ANXA6: variants seen among roughly 807,000 people sequenced by gnomAD.
The protein encoded by ANXA6 is annexin A6.
ANXA6 carries 71 observed loss-of-function variants against 95.4 expected under a neutral mutation model. The observed-to-expected ratio is 0.74, with a 90% CI of 0.61 to 0.91. The LOEUF (loss-of-function observed/expected upper bound fraction) is 0.91, where lower values mean the gene tolerates loss of function less well. ANXA6 is among the 40% of genes least tolerant of loss of function. ANXA6 has a pLI of 0.00. For missense variants in ANXA6, 830 were observed against 876.4 expected, an observed-to-expected ratio of 0.95 and a Z score of 0.67; for synonymous variants, 289 against 315.9, an observed-to-expected ratio of 0.91 and a Z score of 0.90.
intron 20 of ANXA6, among the ~76,000 whole-genome samples, chr5:151,113,221 T>C (rs189913748): frequency 8.5e-5 from 13 of 152,166 alleles, no homozygotes; most frequent in Admixed American, 7.2e-4. Context: ...GCCAACATGG[T>C]GAAACCCTGT....
Position 151,122,926 on chromosome 5 carries a change from G to A in ANXA6, c.1224C>T (p.His408=). The A allele has an allele frequency of 1.9e-6, 3 of 1,613,948 alleles. No homozygotes were observed. The highest frequency in any genetic ancestry group is 1.1e-5 in the South Asian group (1 of 91,086). Residue 408 remains histidine (H), a synonymous_variant, in exon 16 of 26, where the codon CAC becomes CAT. Transcript: ENST00000354546. ...RQQIRQTFKS[H]FGRDLMTDLK... ...AGGAGGAGGTCCTTACCCGGCCAAA[G>A]TGAGACTTGAAGGTCTGCCGGATCT...
chr5:151,156,264 A>G (rs575060115), intron 1 of ANXA6, among the ~76,000 whole-genome samples: 3 of 152,316 alleles, frequency 2.0e-5, no homozygotes, highest in African/African-American at 7.2e-5. Context: ...GAATGTCTGC[A>G]CTGGCAGTGG....
At chr5:151,128,074 G>A (rs1300745769) in intron 13 of ANXA6, 107 bp downstream of exon 13, 2 of 987,750 alleles carry the variant, frequency 2.0e-6, no homozygotes, top group East Asian at 2.6e-5. Context: ...CCTGGCTCAG[G>A]GGAATCCCCA....
In ANXA6 at chr5:151,129,423, A is replaced by G; in HGVS notation, c.902T>C (p.Leu301Pro). The G allele has an allele frequency of 1.9e-6, 3 of 1,613,426 alleles. No individual in the cohort carries two copies. Among genetic ancestry groups the G allele is most frequent in the Non-Finnish European group, 2.5e-6 (3 of 1,179,854 alleles). The change falls in exon 12 of 26, where the codon CTC becomes CCC. Residue 301 changes from leucine to proline, a missense_variant. Physicochemically the swap from Leu to Pro is moderately conservative, Grantham distance 98. Transcript: ENST00000354546. ...EIFRTKYEKSLYSMIKNDTSG... is the reference protein window; with the variant it reads ...EIFRTKYEKSPYSMIKNDTSG... ...TCTGCTGACCTTGATCATGCTGTAG[A>G]GGGACTTCTCATACTTGGTCCGGAA...
chr5:151,128,946 CAAA>C (rs372400204), intron 12 of ANXA6, among the ~76,000 whole-genome samples: 1,850 of 127,766 alleles, frequency 0.014, 27 homozygotes, highest in East Asian at 0.064. Flanking sequence ...TTCAGTCATC[CAAA>C]AAAAAAAAAA....
rs1453077565 is a variant in ANXA6 at position 151,133,246 on chromosome 5, T to C, written c.547-59A>G. 3.2e-6 allele frequency: 4 copies of C among 1,242,518 alleles called. 1 individual carries two copies. The highest frequency in any genetic ancestry group is 3.0e-5 in the African/African-American group (2 of 66,946). 77.0% of individuals were successfully genotyped at this position (1,242,518 alleles called of 1,614,324 possible). On this transcript the variant is annotated intron_variant, in intron 8 of 25. Coordinates refer to ENST00000354546, the MANE Select transcript of ANXA6 (RefSeq NM_001155.5). ...GGAAACCTCAGGAGACAGGACACACTGACCAAGCCACTCAGAACTGCTGCC... is the reference window on the plus strand; with the variant it reads ...GGAAACCTCAGGAGACAGGACACACCGACCAAGCCACTCAGAACTGCTGCC...
intron 1 of ANXA6, among the ~76,000 whole-genome samples, chr5:151,152,503 G>A (rs1481040748): frequency 6.6e-6 from 1 of 152,150 alleles, no homozygotes; most frequent in East Asian, 1.9e-4. Flanking sequence ...TTTTTGTGAA[G>A]ATTCAATGAA....
Position 151,117,128 on chromosome 5 carries a change from T to C in ANXA6, c.1571A>G (p.Gln524Arg), listed in dbSNP as rs367708325. 20 of 1,589,952 alleles carry C rather than the reference T, an allele frequency of 1.3e-5. No homozygotes were observed. In the African/African-American group the frequency reaches 1.5e-4, roughly 12 times the overall value. ...ACTGGGGTGGGCTGGGGGTCTTACC[T>C]GGGCATCTTCCCGTGCCTGGTCCAG... ...ENLDQAREDA[Q>R]VAAEILEIAD... The change falls in exon 20 of 26, where the codon CAG becomes CGG. Residue 524 changes from glutamine to arginine, a missense_variant and splice_region_variant. By Grantham distance (43) the Gln-to-Arg change is conservative. Coordinates refer to ENST00000354546, the MANE Select transcript of ANXA6 (RefSeq NM_001155.5).
In ANXA6 at chr5:151,122,994, T is replaced by G; in HGVS notation, c.1156A>C (p.Ile386Leu). ...MKGLGTDEDTIIDIITHRSNV... is the reference protein window; with the variant it reads ...MKGLGTDEDTLIDIITHRSNV... Reference sequence around the variant, plus strand: ...CTGCGGTGCGTGATGATATCGATGATTGTGTCTTCGTCAGTCCCTGAGTCA... The same window carrying G: ...CTGCGGTGCGTGATGATATCGATGAGTGTGTCTTCGTCAGTCCCTGAGTCA... The change falls in exon 16 of 26, where the codon ATC (isoleucine) becomes CTC (leucine). Residue 386 changes from isoleucine (I) to leucine (L), a missense_variant. Ile to Leu is a conservative substitution (Grantham distance 5, BLOSUM62 2). Coordinates refer to ENST00000354546, the MANE Select transcript of ANXA6 (RefSeq NM_001155.5). 6.2e-7 allele frequency: 1 copy of G among 1,613,736 alleles called. No individual in the cohort carries two copies. Among genetic ancestry groups the G allele is most frequent in the Non-Finnish European group, 8.5e-7 (1 of 1,179,876 alleles).
At chr5:151,149,502 T>G (rs1185778809) in intron 1 of ANXA6, among the ~76,000 whole-genome samples, 1 of 152,082 alleles carries the variant, frequency 6.6e-6, no homozygotes, top group Non-Finnish European at 1.5e-5. Flanking sequence ...ATCTCTTTTT[T>G]TTGAGATGGA....
At chr5:151,140,672 C>T (rs1765810439) in intron 2 of ANXA6, 1 of 151,780 alleles carries the variant, frequency 6.6e-6, no homozygotes, top group South Asian at 2.0e-4. Context: ...AGCAGTCCTC[C>T]CACATTGGCC....
At chr5:151,132,639 C>A in intron 9 of ANXA6, 68 bp from the exon 10 acceptor site, 1 of 1,357,066 alleles carries the variant, frequency 7.4e-7, no homozygotes, top group Non-Finnish European at 1.0e-6. Context: ...ATGAGGACTT[C>A]AAGAGCAGGG....
chr5:151,122,843 C>T (rs550692451), intron 16 of ANXA6, 74 bp downstream of exon 16: 23 of 1,356,378 alleles, frequency 1.7e-5, no homozygotes, highest in African/African-American at 1.3e-4. Flanking sequence ...TGTGCAGAAC[C>T]GATGGGGACA....
rs370507444 is a variant in ANXA6, at chr5:151,129,498, C to A, written c.827G>T (p.Arg276Leu). The change falls in exon 12 of 26, where the codon CGC becomes CTC. Residue 276 changes from arginine to leucine, a missense_variant. Transcript: ENST00000354546. ...GLGTRDNTLI[R>L]IMVSRSELDM... ...CAACTCACTACGGGAGACCATGATG[C>A]GGATCAGGGTGTTGTCCCGAGTCCC... The A allele has an allele frequency of 6.2e-7, 1 of 1,610,026 alleles. No homozygotes were observed.
chr5:151,132,056 A>G (rs932690747), intron 10 of ANXA6, among the ~76,000 whole-genome samples: 1 of 152,176 alleles, frequency 6.6e-6, no homozygotes, highest in Non-Finnish European at 1.5e-5. Context: ...CCCCTCAGGA[A>G]ATGATCAGCC....
intron 20 of ANXA6, among the ~76,000 whole-genome samples, chr5:151,114,774 G>A (rs1257033095): frequency 6.6e-6 from 1 of 151,982 alleles, no homozygotes; most frequent in African/African-American, 2.4e-5. Flanking sequence ...AATCACTGTG[G>A]GGCCACAGTT....
chr5:151,117,236 C>G, intron 19 of ANXA6, 56 bp from the exon 20 acceptor site: 2 of 1,511,112 alleles, frequency 1.3e-6, no homozygotes, highest in Non-Finnish European at 1.8e-6. Context: ...ATCTCCATCT[C>G]TGTACCACCA....
chr5:151,111,871 C>A (rs1244778025), intron 20 of ANXA6, among the ~76,000 whole-genome samples: 4 of 152,176 alleles, frequency 2.6e-5, no homozygotes, highest in Non-Finnish European at 5.9e-5. Context: ...TCACTGCAAC[C>A]TCCACCTCCC....
chr5:151,116,328 G>A (rs1764996698), intron 20 of ANXA6, among the ~76,000 whole-genome samples: 1 of 152,226 alleles, frequency 6.6e-6, no homozygotes, highest in Non-Finnish European at 1.5e-5. Context: ...GGGAAAATGA[G>A]GCAGTCAGAA....
Sources: allele counts gnomAD v4.1 joint callset (sites outside exome capture counted in the v4.1 genomes callset), GRCh38; gene constraint gnomAD v4.1.1; transcripts MANE v1.5; gene names NCBI Gene and HGNC (gene_info 2026-07-23, HGNC 2026-07-21).